The following RHBDL2 variants were observed in gnomAD, a reference collection of about 807,000 sequenced individuals.
The protein encoded by RHBDL2 is rhomboid like 2, also known as rhomboid-related protein 2.
A neutral mutation model predicts 31.7 loss-of-function variants in RHBDL2; 26 were observed. That is an observed-to-expected ratio of 0.82 (90% CI 0.60 to 1.14). The LOEUF is 1.14. RHBDL2 is among the 50% of genes most tolerant of loss of function. The pLI, the probability that RHBDL2 is intolerant of heterozygous loss-of-function variation, is 0.00. For synonymous variants in RHBDL2, 123 were observed against 127.2 expected, an observed-to-expected ratio of 0.97 and a Z score of 0.22; for missense variants, 336 against 364.4, an observed-to-expected ratio of 0.92 and a Z score of 0.63.
chr1:38,939,821 G>A (rs547147216), intron 1 of RHBDL2, among the ~76,000 whole-genome samples: 21 of 152,074 alleles, frequency 1.4e-4, no homozygotes, highest in African/African-American at 4.3e-4. Context: ...GGATTACTAC[G>A]GCTGGCGTGA....
chr1:38,933,627 G>A (rs111484070), intron 1 of RHBDL2, among the ~76,000 whole-genome samples: 3 of 152,082 alleles, frequency 2.0e-5, no homozygotes, highest in African/African-American at 4.8e-5. Context: ...GCTTACCTAC[G>A]GATAAGCTAC....
chr1:38,937,869 C>T (rs971265631), intron 1 of RHBDL2, among the ~76,000 whole-genome samples: 7 of 152,138 alleles, frequency 4.6e-5, no homozygotes, highest in African/African-American at 1.4e-4. Flanking sequence ...CCTTCATGAA[C>T]AAACCATGCT....
chr1:38,916,095 C>T (rs1169889780), intron 2 of RHBDL2, among the ~76,000 whole-genome samples: 1 of 152,178 alleles, frequency 6.6e-6, no homozygotes, highest in Non-Finnish European at 1.5e-5. Flanking sequence ...ATGCTGGCTT[C>T]CGAATAATAG....
intron 4 of RHBDL2, among the ~76,000 whole-genome samples, chr1:38,901,627 G>C (rs745627332): frequency 5.3e-5 from 8 of 151,784 alleles, no homozygotes; most frequent in Non-Finnish European, 1.2e-4. Flanking sequence ...CCTGAGGTCA[G>C]GAGTCTGAGA....
At chr1:38,923,063 C>G (rs1049731861) in intron 1 of RHBDL2, among the ~76,000 whole-genome samples, 1 of 151,668 alleles carries the variant, frequency 6.6e-6, no homozygotes, top group Non-Finnish European at 1.5e-5. Context: ...GCACTCAACC[C>G]TGGGCGACAA....
chr1:38,919,863 C>A (rs374115607), intron 1 of RHBDL2, among the ~76,000 whole-genome samples: 1 of 151,986 alleles, frequency 6.6e-6, no homozygotes, highest in Non-Finnish European at 1.5e-5. Flanking sequence ...CGTGAGCCAC[C>A]GAAGCCGGCC....
At chr1:38,933,440 T>C (rs990917861) in intron 1 of RHBDL2, among the ~76,000 whole-genome samples, 7 of 152,234 alleles carry the variant, frequency 4.6e-5, no homozygotes, top group African/African-American at 1.4e-4. Context: ...GTTTATTTAT[T>C]GTCTGTCTCT....
chr1:38,901,215 C>A (rs1229062415), intron 4 of RHBDL2, among the ~76,000 whole-genome samples: 3 of 151,996 alleles, frequency 2.0e-5, no homozygotes, highest in African/African-American at 7.2e-5. Context: ...GTAATCCCAG[C>A]ACTTTGGGAG....
chr1:38,901,090 A>C (rs771161828), intron 4 of RHBDL2, among the ~76,000 whole-genome samples: 6 of 151,660 alleles, frequency 4.0e-5, no homozygotes, highest in Non-Finnish European at 7.4e-5. Flanking sequence ...TAAAATTTTA[A>C]AAATTAAAAA....
At chr1:38,925,354 C>T (rs1416969394) in intron 1 of RHBDL2, among the ~76,000 whole-genome samples, 3 of 151,880 alleles carry the variant, frequency 2.0e-5, no homozygotes, top group South Asian at 2.1e-4. Flanking sequence ...AAAAATTAGC[C>T]GGCAGTGGTG....
chr1:38,908,330 T>C lies in RHBDL2; in HGVS notation c.508+2992A>G, dbSNP rs1426801022. Among the ~76,000 whole-genome samples, 8 of 151,948 alleles carry C rather than the reference T, an allele frequency of 5.3e-5. No homozygotes were observed. In the South Asian group the frequency reaches 1.0e-3, roughly 20 times the overall value. ...GAGTTTGAGACCAGCCTGACCAACATGGAGAAACCCTGTCTCTACTAAAAA... is the reference window on the plus strand; with the variant it reads ...GAGTTTGAGACCAGCCTGACCAACACGGAGAAACCCTGTCTCTACTAAAAA... On this transcript the variant is annotated intron_variant, in intron 4 of 7. Transcript: ENST00000372990.
chr1:38,888,034 A>C lies in RHBDL2; in HGVS notation c.671-10T>G. 2 of 1,606,474 alleles carry C rather than the reference A, an allele frequency of 1.2e-6. No individual in the cohort carries two copies. Among genetic ancestry groups the C allele is most frequent in the Non-Finnish European group, 1.7e-6 (2 of 1,173,954 alleles). Reference sequence around the variant, plus strand: ...CCCATGTCCAACACAACTAGAAGGAAAAACACCCTGATAAAGGCTCAGAAT... The same window carrying C: ...CCCATGTCCAACACAACTAGAAGGACAAACACCCTGATAAAGGCTCAGAAT... On this transcript the variant is annotated splice_polypyrimidine_tract_variant and intron_variant, in intron 6 of 7. Transcript: ENST00000372990.
chr1:38,932,806 G>C (rs1484930503), intron 1 of RHBDL2, among the ~76,000 whole-genome samples: 1 of 152,094 alleles, frequency 6.6e-6, no homozygotes, highest in Non-Finnish European at 1.5e-5. Context: ...CACAGTAATA[G>C]CTACCAGCAT....
chr1:38,904,324 T>C (rs914749058), intron 4 of RHBDL2, among the ~76,000 whole-genome samples: 1 of 151,404 alleles, frequency 6.6e-6, no homozygotes, highest in Non-Finnish European at 1.5e-5. Context: ...CAAAAAAAAA[T>C]TAGCCAGGTG....
intron 4 of RHBDL2, among the ~76,000 whole-genome samples, chr1:38,903,992 A>G (rs1643028439): frequency 6.6e-6 from 1 of 152,248 alleles, no homozygotes; most frequent in Non-Finnish European, 1.5e-5. Context: ...CAATGGAGAA[A>G]GGACTGTCTT....
At chr1:38,905,757 A>G (rs1276917815) in intron 4 of RHBDL2, among the ~76,000 whole-genome samples, 1 of 149,934 alleles carries the variant, frequency 6.7e-6, no homozygotes, top group Non-Finnish European at 1.5e-5. Flanking sequence ...CAAGAAAAAA[A>G]AAAAAAAAAG....
In RHBDL2 at chr1:38,885,918, T is replaced by C. The variant is rs1337848468; in HGVS notation, c.*586A>G. The C allele has an allele frequency of 6.6e-6, 1 of 152,666 alleles. No homozygotes were observed. The highest frequency in any genetic ancestry group is 1.5e-5 in the Non-Finnish European group (1 of 68,070). The allele number at this position is 152,666 out of a possible 1,614,324, so 9.5% of individuals were successfully genotyped here. A position where few individuals can be genotyped will look rare whatever the true frequency, so the allele number is the denominator to read the frequency against. The stretch of plus-strand genomic sequence containing the variant: ...TAAGTCTGTTTTATAGAATACCATA[T>C]GCCTGGGAAAGACCCAATCTCTAAT... On this transcript the variant is annotated 3_prime_UTR_variant, in exon 8 of 8. Transcript: ENST00000372990.
At chr1:38,926,113 T>C in intron 1 of RHBDL2, 2 of 1,182,230 alleles carry the variant, frequency 1.7e-6, no homozygotes, top group Non-Finnish European at 2.2e-6. Flanking sequence ...ATGCCCAATA[T>C]TCACTTTTGC....
intron 4 of RHBDL2, among the ~76,000 whole-genome samples, chr1:38,898,219 A>G (rs1277646761): frequency 6.6e-6 from 1 of 152,056 alleles, no homozygotes; most frequent in Non-Finnish European, 1.5e-5. Context: ...CACGAGGATC[A>G]CTTGAACCTG....
Sources: allele counts gnomAD v4.1 joint callset (sites outside exome capture counted in the v4.1 genomes callset), GRCh38; gene constraint gnomAD v4.1.1; transcripts MANE v1.5; gene names NCBI Gene and HGNC (gene_info 2026-07-23, HGNC 2026-07-21).